The following PUS10 variants were observed in gnomAD, a reference collection of about 807,000 sequenced individuals.
The protein encoded by PUS10 is tRNA pseudouridine synthase Pus10.
In PUS10, 59 loss-of-function variants were observed where a neutral mutation model predicts 75.0. The ratio of observed to expected loss-of-function variants is 0.79; its 90% CI spans 0.64 to 0.98. The LOEUF is 0.98. Among genes scored for constraint, PUS10 ranks in the 50% least tolerant of loss-of-function variants. The pLI is 0.00. For synonymous variants in PUS10, 219 were observed against 211.6 expected (o/e 1.03, Z -0.30); for missense variants, 650 against 614.4 (o/e 1.06, Z -0.61).
At chr2:60,999,449 T>G (rs1013848013) in intron 4 of PUS10, among the ~76,000 whole-genome samples, 1 of 151,974 alleles carries the variant, frequency 6.6e-6, no homozygotes, top group African/African-American at 2.4e-5. Context: ...ACCTCATTGC[T>G]ACAAAAAAAT....
In PUS10 at chr2:61,003,525, G is replaced by A. The variant is rs181752324; in HGVS notation, c.468+3032C>T. Among the ~76,000 whole-genome samples, 214 of 150,962 alleles carry A rather than the reference G, an allele frequency of 1.4e-3. 3 individuals carry two copies. The highest frequency in any genetic ancestry group is 0.011 in the Admixed American group (169 of 15,138). ...TTCGTAGAACCAATAATATAGATGC[G>A]TTAATGCAAATTTTATTGCTTAATT... is the stretch of plus-strand genomic sequence containing the variant. On this transcript the variant is annotated intron_variant, in intron 4 of 17. Transcript: ENST00000316752.
At chr2:60,976,563 G>C (rs1677044511) in intron 4 of PUS10, among the ~76,000 whole-genome samples, 3 of 152,228 alleles carry the variant, frequency 2.0e-5, no homozygotes, top group Admixed American at 2.0e-4. Context: ...AGGGAAACCA[G>C]GTAACCATGT....
chr2:60,978,758 G>A (rs1003590752), intron 4 of PUS10, among the ~76,000 whole-genome samples: 3 of 152,138 alleles, frequency 2.0e-5, no homozygotes, highest in Non-Finnish European at 4.4e-5. Flanking sequence ...AGAAAAAGAT[G>A]GGAATTAAAG....
intron 3 of PUS10, among the ~76,000 whole-genome samples, chr2:61,008,009 G>A (rs182883787): frequency 3.5e-4 from 53 of 152,088 alleles, no homozygotes; most frequent in African/African-American, 1.1e-3. Flanking sequence ...CCTGGGAGGC[G>A]GAGCTTACAG....
rs886056195 is a variant in PUS10, at chr2:61,017,748, G to A, written c.-16+260C>T. The A allele has an allele frequency of 3.9e-6, 6 of 1,548,264 alleles. No individual in the cohort carries two copies. The highest frequency in any genetic ancestry group is 5.2e-6 in the Non-Finnish European group (6 of 1,145,904). ...CAGGGGTAGGAGCGGGAGCCGAGAG[G>A]AGGCGGAGGAGATGGCGTCCCAGCC... On this transcript the variant is annotated intron_variant, in intron 1 of 17. Transcript: ENST00000316752.
chr2:60,964,128 G>C (rs1169844286), intron 8 of PUS10, among the ~76,000 whole-genome samples: 1 of 152,170 alleles, frequency 6.6e-6, no homozygotes, highest in African/African-American at 2.4e-5. Context: ...TTAAGCTCAG[G>C]GTGCTGAACA....
chr2:61,007,749 A>G (rs1679320085), intron 3 of PUS10, among the ~76,000 whole-genome samples: 1 of 147,768 alleles, frequency 6.8e-6, no homozygotes, highest in Non-Finnish European at 1.5e-5. Flanking sequence ...AGCCTGGGTG[A>G]CAAGAGCCAA....
rs999609768 is a variant in PUS10 at position 60,977,250 on chromosome 2, G to C, written c.469-5693C>G. On this transcript the variant is annotated intron_variant, in intron 4 of 17. Coordinates refer to ENST00000316752, the MANE Select transcript of PUS10 (RefSeq NM_144709.4). ...AGTTGATTCAAGCAGAGGTGATGGA[G>C]AAAGGATAGAGACAGAGAGAGGTGT... is the stretch of plus-strand genomic sequence containing the variant. 3.3e-5 allele frequency among the ~76,000 whole-genome samples: 5 copies of C among 152,124 alleles called. No homozygotes were observed. The East Asian group carries it at 9.6e-4, about 29-fold the overall frequency.
intron 3 of PUS10, among the ~76,000 whole-genome samples, chr2:61,007,320 G>A (rs1679281798): frequency 6.6e-6 from 1 of 151,980 alleles, no homozygotes; most frequent in South Asian, 2.1e-4. Context: ...CTTGGACCTG[G>A]GCATGGTGGC....
intron 16 of PUS10, among the ~76,000 whole-genome samples, chr2:60,947,436 CTA>C (rs1334380356): frequency 1.3e-5 from 2 of 152,200 alleles, no homozygotes; most frequent in African/African-American, 4.8e-5. Flanking sequence ...TTTCTGAGTA[CTA>C]TGTGCTCAGC....
chr2:60,962,164 C>A (rs754740973), intron 9 of PUS10, among the ~76,000 whole-genome samples: 2 of 152,222 alleles, frequency 1.3e-5, no homozygotes, highest in Non-Finnish European at 2.9e-5. Flanking sequence ...ATGTAATAGG[C>A]ATAGCACTGG....
chr2:60,955,180 G>A, intron 11 of PUS10, 106 bp from the exon 12 acceptor site: 1 of 595,174 alleles, frequency 1.7e-6, no homozygotes, highest in Non-Finnish European at 2.8e-6. Flanking sequence ...ACAATCTATA[G>A]GAGAATCCCC....
chr2:60,982,893 G>A (rs12464353), intron 4 of PUS10, among the ~76,000 whole-genome samples: 1,998 of 151,668 alleles, frequency 0.013, 89 homozygotes, highest in East Asian at 0.12. Flanking sequence ...TCAGTGGCGC[G>A]ATCATGACTC....
chr2:61,008,698 T>G, intron 3 of PUS10, 63 bp downstream of exon 3: 1 of 1,286,188 alleles, frequency 7.8e-7, no homozygotes, highest in Non-Finnish European at 1.1e-6. Flanking sequence ...AAAAAAGAAT[T>G]CTTGGTTTTA....
At chr2:60,963,042 A>G in intron 8 of PUS10, 152 bp from the exon 9 acceptor site, 1 of 1,351,364 alleles carries the variant, frequency 7.4e-7, no homozygotes, top group Non-Finnish European at 9.5e-7. Flanking sequence ...ATTTCAAGAA[A>G]ATAAATAAAA....
chr2:60,997,248 A>C lies in PUS10; in HGVS notation c.468+9309T>G, dbSNP rs563795052. 2.8e-4 allele frequency among the ~76,000 whole-genome samples: 42 copies of C among 152,376 alleles called. 1 individual carries two copies. The highest frequency in any genetic ancestry group is 1.0e-3 in the African/African-American group (42 of 41,590). ...TACACTCGCCAACCCACTCATAAAAAGTCTATTGAAAGATGCTTAAGGGGT... is the reference window on the plus strand; with the variant it reads ...TACACTCGCCAACCCACTCATAAAACGTCTATTGAAAGATGCTTAAGGGGT... On this transcript the variant is annotated intron_variant, in intron 4 of 17. Coordinates refer to ENST00000316752, the MANE Select transcript of PUS10 (RefSeq NM_144709.4).
intron 11 of PUS10, among the ~76,000 whole-genome samples, chr2:60,960,149 C>CAAAAA (rs559273848): frequency 5.7e-5 from 5 of 88,246 alleles, no homozygotes; most frequent in African/African-American, 1.2e-4. Context: ...CAGGCTCTCT[C>CAAAAA]AAAAAAAAAA....
chr2:60,972,753 G>C (rs542231018), intron 4 of PUS10, among the ~76,000 whole-genome samples: 2 of 152,232 alleles, frequency 1.3e-5, no homozygotes, highest in Non-Finnish European at 2.9e-5. Context: ...GCTGTGGTTC[G>C]TATGTAGACC....
chr2:60,988,459 GA>G (rs950706002), intron 4 of PUS10, among the ~76,000 whole-genome samples: 12 of 149,650 alleles, frequency 8.0e-5, no homozygotes, highest in African/African-American at 2.7e-4. Context: ...TCTTACAGAT[GA>G]AAAAAAAACA....
Sources: gnomAD v4.1 joint callset for allele counts (sites outside exome capture counted in the v4.1 genomes callset) on GRCh38, gnomAD v4.1.1 for gene constraint, MANE v1.5 for transcripts, NCBI Gene and HGNC (gene_info 2026-07-23, HGNC 2026-07-21) for gene names.